The following HELZ variants were observed in gnomAD, a reference collection of about 807,000 sequenced individuals.
HELZ encodes the protein ATP-dependent RNA helicase with zinc finger domain.
HELZ carries 23 observed loss-of-function variants against 218.2 expected under a neutral mutation model. The ratio of observed to expected loss-of-function variants is 0.11; its 90% confidence interval spans 0.08 to 0.15. HELZ has a LOEUF of 0.15. Among genes scored for constraint, HELZ ranks in the 10% least tolerant of loss-of-function variants. HELZ has a pLI of 1.00. For missense variants in HELZ, 1,813 were observed against 2,353.7 expected (o/e 0.77, Z 4.75); for synonymous variants, 814 against 829.4 (o/e 0.98, Z 0.32).
chr17:67,203,103 AGACT>A (rs2040208571), intron 6 of HELZ, among the ~76,000 whole-genome samples: 1 of 152,152 alleles, frequency 6.6e-6, no homozygotes, highest in Non-Finnish European at 1.5e-5. Context: ...CCTAGACAAC[AGACT>A]GACACCTTGT....
rs1567845646 is a variant in HELZ, at chr17:67,152,782, A to AAC, written c.2178-1559_2178-1558insGT. ...AGAGTAGATTTAAAAAAAAAAAAAA[A>AAC]AAACAACTAGTGGAAGGAAGAATGA... On this transcript the variant is annotated intron_variant, in intron 17 of 32. Transcript: ENST00000358691. 9.9e-5 allele frequency among the ~76,000 whole-genome samples: 15 copies of AAC among 151,748 alleles called. No individual in the cohort carries two copies. In the South Asian group the frequency reaches 3.1e-3, roughly 32 times the overall value.
chr17:67,167,798 TA>T lies in HELZ; in HGVS notation c.1431-3del. On this transcript the variant is annotated splice_polypyrimidine_tract_variant and splice_region_variant and intron_variant, in intron 13 of 32. Coordinates refer to ENST00000358691, the MANE Select transcript of HELZ (RefSeq NM_014877.4). ...TGCAATTGCACTTTAAGGTTGAACC[TA>T]AACCAGAAGTAGAAAACTAGTTTGA... The T allele has an allele frequency of 6.3e-7, 1 of 1,579,698 alleles. No homozygotes were observed. Among genetic ancestry groups the T allele is most frequent in the Non-Finnish European group, 8.6e-7 (1 of 1,160,398 alleles).
rs2040250326 is a variant in HELZ at position 67,204,611 on chromosome 17, T to C, written c.248-1168A>G. 3.3e-5 allele frequency among the ~76,000 whole-genome samples: 5 copies of C among 152,206 alleles called. No homozygotes were observed. In the South Asian group the frequency reaches 1.0e-3, roughly 32 times the overall value. On this transcript the variant is annotated intron_variant, in intron 5 of 32. Transcript: ENST00000358691. Reference sequence around the variant, plus strand: ...AATTCCAATTATTAACTATTAAAAATAATGCCATAATAAAAATCTTTACAT... The same window carrying C: ...AATTCCAATTATTAACTATTAAAAACAATGCCATAATAAAAATCTTTACAT...
At chr17:67,079,872 T>C (rs1402445131) in intron 32 of HELZ, among the ~76,000 whole-genome samples, 35 of 152,222 alleles carry the variant, frequency 2.3e-4, no homozygotes, top group Admixed American at 2.2e-3. Context: ...GACATACTAT[T>C]CTATTGTTTT....
intron 13 of HELZ, among the ~76,000 whole-genome samples, chr17:67,171,575 T>C (rs558216042): frequency 1.3e-5 from 2 of 152,314 alleles, no homozygotes; most frequent in South Asian, 2.1e-4. Context: ...ATTACTATAA[T>C]AGACTTCTAA....
At chr17:67,208,376 A>G (rs1357679410) in intron 5 of HELZ, among the ~76,000 whole-genome samples, 1 of 152,198 alleles carries the variant, frequency 6.6e-6, no homozygotes, top group Non-Finnish European at 1.5e-5. Context: ...TCAAAATGAC[A>G]CAGAATACAC....
At chr17:67,096,152 C>G (rs995052565) in intron 31 of HELZ, among the ~76,000 whole-genome samples, 10 of 150,234 alleles carry the variant, frequency 6.7e-5, no homozygotes, top group African/African-American at 2.4e-4. Context: ...CCTCCCCCGC[C>G]CACCAGCAAA....
chr17:67,116,076 TG>T (rs1157033137), intron 27 of HELZ, among the ~76,000 whole-genome samples: 1 of 151,812 alleles, frequency 6.6e-6, no homozygotes, highest in Non-Finnish European at 1.5e-5. Flanking sequence ...TTACTGTAAA[TG>T]AAGTGGTAAA....
chr17:67,107,130 A>C (rs1354841421), intron 31 of HELZ, 39 bp downstream of exon 31: 1 of 1,525,024 alleles, frequency 6.6e-7, no homozygotes, highest in Non-Finnish European at 8.9e-7. Flanking sequence ...TATTTTTCAC[A>C]ATCAGCTAAT....
chr17:67,183,292 CCTATTT>C (rs1181934134), intron 12 of HELZ, among the ~76,000 whole-genome samples: 2 of 152,104 alleles, frequency 1.3e-5, no homozygotes, highest in African/African-American at 2.4e-5. Flanking sequence ...GTTAACTGTC[CCTATTT>C]CTCTCTCTGA....
intron 31 of HELZ, among the ~76,000 whole-genome samples, chr17:67,091,636 G>A (rs1379340808): frequency 6.6e-6 from 1 of 152,040 alleles, no homozygotes; most frequent in Non-Finnish European, 1.5e-5. Context: ...TAGCTAAAGT[G>A]GGAAAACTGG....
intron 2 of HELZ, among the ~76,000 whole-genome samples, chr17:67,242,479 T>C (rs1333398632): frequency 6.7e-6 from 1 of 149,678 alleles, no homozygotes; most frequent in African/African-American, 2.5e-5. Flanking sequence ...TATACACATA[T>C]ATACATATAT....
intron 31 of HELZ, among the ~76,000 whole-genome samples, chr17:67,091,077 T>C (rs1348748438): frequency 1.3e-5 from 2 of 152,106 alleles, no homozygotes; most frequent in Non-Finnish European, 2.9e-5. Context: ...TGACATGGCT[T>C]GAGCTGCATT....
intron 22 of HELZ, among the ~76,000 whole-genome samples, chr17:67,137,473 G>C (rs1187477742): frequency 6.6e-6 from 1 of 152,204 alleles, no homozygotes; most frequent in African/African-American, 2.4e-5. Context: ...GCTTCAATTA[G>C]AGTTCACATC....
At chr17:67,094,622 T>C (rs2036686513) in intron 31 of HELZ, among the ~76,000 whole-genome samples, 1 of 152,134 alleles carries the variant, frequency 6.6e-6, no homozygotes, top group Non-Finnish European at 1.5e-5. Context: ...CATTGTATGT[T>C]TAAAAAAACA....
At chr17:67,142,264 T>G (rs770621567) in intron 21 of HELZ, among the ~76,000 whole-genome samples, 2 of 152,006 alleles carry the variant, frequency 1.3e-5, no homozygotes, top group African/African-American at 2.4e-5. Flanking sequence ...TCCAGAACTT[T>G]GGGAGGCTGA....
rs185107851 is a variant in HELZ, at chr17:67,216,019, G to A, written c.211-84C>T. On this transcript the variant is annotated intron_variant, in intron 4 of 32. Coordinates refer to ENST00000358691, the MANE Select transcript of HELZ (RefSeq NM_014877.4). ...TGTTGTCAAAGGGAAACTTGGCTTT[G>A]TTTCAAAGTTTAATCATTAATGTTG... 1.6e-4 allele frequency: 128 copies of A among 799,130 alleles called. No individual in the cohort carries two copies. The African/African-American group carries it at 2.0e-3, about 12-fold the overall frequency. 49.5% of individuals were successfully genotyped at this position (799,130 alleles called of 1,614,324 possible).
intron 3 of HELZ, among the ~76,000 whole-genome samples, chr17:67,228,413 T>TA (rs2040948431): frequency 3.9e-5 from 6 of 152,030 alleles, no homozygotes; most frequent in Admixed American, 3.9e-4. Context: ...AGAAAGTAAA[T>TA]ACACTTTGGG....
intron 23 of HELZ, among the ~76,000 whole-genome samples, chr17:67,129,288 C>A (rs2037900883): frequency 6.6e-6 from 1 of 151,810 alleles, no homozygotes; most frequent in Non-Finnish European, 1.5e-5. Context: ...ATATAAATCA[C>A]ATAATTCTAA....
Sources: allele counts gnomAD v4.1 joint callset (sites outside exome capture counted in the v4.1 genomes callset), GRCh38; gene constraint gnomAD v4.1.1; transcripts MANE v1.5; gene names NCBI Gene and HGNC (gene_info 2026-07-23, HGNC 2026-07-21).